Variants in SLC30A9 observed in about 807,000 individuals in gnomAD.
SLC30A9 encodes the protein solute carrier family 30 member 9.
Under a neutral mutation model 87.5 loss-of-function variants are expected in SLC30A9, and 58 were observed. The observed-to-expected ratio is 0.66, with a 90% CI of 0.54 to 0.82. The LOEUF is 0.82. Among genes scored for constraint, SLC30A9 ranks in the 40% least tolerant of loss-of-function variants. The probability of loss-of-function intolerance (pLI) is 0.00; values close to 1 mark genes in which losing one functional copy is unlikely to be tolerated. For synonymous variants in SLC30A9, 234 were observed against 233.0 expected (o/e 1.00, Z -0.04); for missense variants, 557 against 679.1 (o/e 0.82, Z 2.00).
At chr4:42,000,506 A>G (rs1000740340) in intron 1 of SLC30A9, among the ~76,000 whole-genome samples, 10 of 152,096 alleles carry the variant, frequency 6.6e-5, no homozygotes, top group Admixed American at 2.0e-4. Flanking sequence ...TAGGCCTTCA[A>G]CAGTTTCTCA....
chr4:42,036,074 A>G (rs1055703050), intron 7 of SLC30A9, among the ~76,000 whole-genome samples: 6 of 152,180 alleles, frequency 3.9e-5, no homozygotes, highest in Admixed American at 1.3e-4. Context: ...TTATATGACT[A>G]TACAAAATCA....
chr4:42,022,102 AT>A (rs375248714), intron 4 of SLC30A9, among the ~76,000 whole-genome samples: 1 of 27,188 alleles, frequency 3.7e-5, no homozygotes, highest in African/African-American at 4.6e-5. Context: ...CGCCCGGCTA[AT>A]TTTTGTATTT....
At position 42,022,872 on chromosome 4, in the gene SLC30A9, A is replaced by C; in HGVS notation, c.469A>C (p.Ser157Arg). 1 of 1,602,616 alleles carries C rather than the reference A, an allele frequency of 6.2e-7. No homozygotes were observed. Among genetic ancestry groups the C allele is most frequent in the Non-Finnish European group, 8.5e-7 (1 of 1,173,218 alleles). Residue 157 changes from serine to arginine, a missense_variant, in exon 5 of 18, where the codon AGT (serine) becomes CGT (arginine). By Grantham distance (110) the Ser-to-Arg change is moderately radical. This residue lies in a region of SLC30A9 where 467 missense variants were observed against 529.8 expected (regional missense o/e 0.88). Coordinates refer to ENST00000264451, the MANE Select transcript of SLC30A9 (RefSeq NM_006345.4). ...ACAACTTCGAAAAATCAGACGACGA[A>C]GTCCCCATGAAGATACTGAGTCTTT... ...LEQLRKIRRR[S>R]PHEDTESFTV...
chr4:42,044,386 CA>C (rs57572080), intron 8 of SLC30A9, among the ~76,000 whole-genome samples: 58,570 of 98,556 alleles, frequency 0.59, 17,997 homozygotes, highest in East Asian at 0.89. Context: ...AAATGGAAAG[CA>C]AAAAAAAAAA....
intron 1 of SLC30A9, among the ~76,000 whole-genome samples, chr4:41,992,154 C>A (rs958625419): frequency 2.6e-5 from 4 of 151,412 alleles, no homozygotes; most frequent in Admixed American, 2.0e-4. Context: ...AAGACCAGCC[C>A]GGGCAACATG....
In SLC30A9 at chr4:42,087,077, AAGAG is replaced by A. The variant is rs1283483458; in HGVS notation, c.*957_*960del. The A allele has an allele frequency of 6.6e-6, 1 of 152,212 alleles. No homozygotes were observed. Among genetic ancestry groups the A allele is most frequent in the Non-Finnish European group, 1.5e-5 (1 of 68,034 alleles). 9.4% of individuals were successfully genotyped at this position (152,212 alleles called of 1,614,324 possible). ...TGAGCTGTGGGATATTTCTTGCTTT[AAGAG>A]AGAGACAGAATCTCTCACTGAAACT... On this transcript the variant is annotated 3_prime_UTR_variant, in exon 18 of 18. Coordinates refer to ENST00000264451, the MANE Select transcript of SLC30A9 (RefSeq NM_006345.4).
At chr4:42,001,424 T>A (rs1203841711) in intron 1 of SLC30A9, among the ~76,000 whole-genome samples, 192 bp from the exon 2 acceptor site, 1 of 152,050 alleles carries the variant, frequency 6.6e-6, no homozygotes, top group African/African-American at 2.4e-5. Flanking sequence ...TTTGATTTTT[T>A]ATATTTTTAA....
chr4:42,044,335 CAT>C (rs1275418682), intron 8 of SLC30A9, among the ~76,000 whole-genome samples: 1 of 116,582 alleles, frequency 8.6e-6, no homozygotes, highest in African/African-American at 3.5e-5. Flanking sequence ...CAAAGACACA[CAT>C]AGGCTCAAAA....
At chr4:42,068,260 T>C (rs1718163506) in intron 14 of SLC30A9, among the ~76,000 whole-genome samples, 1 of 151,708 alleles carries the variant, frequency 6.6e-6, no homozygotes, top group African/African-American at 2.4e-5. Flanking sequence ...TTTTTTTTTT[T>C]GAGACAGAGT....
intron 9 of SLC30A9, among the ~76,000 whole-genome samples, chr4:42,049,864 C>T (rs1329121962): frequency 6.6e-6 from 1 of 152,036 alleles, no homozygotes; most frequent in Non-Finnish European, 1.5e-5. Context: ...CTTGGCTTTG[C>T]AAATGGAGAA....
chr4:41,990,804 G>C, intron 1 of SLC30A9, 44 bp downstream of exon 1: 1 of 1,435,906 alleles, frequency 7.0e-7, no homozygotes. Context: ...AAGCCGAACT[G>C]GAGGGCCAGG....
At chr4:42,061,055 AT>A (rs34860960) in intron 10 of SLC30A9, among the ~76,000 whole-genome samples, 1 of 151,600 alleles carries the variant, frequency 6.6e-6, no homozygotes, top group Non-Finnish European at 1.5e-5. Context: ...CTTAAGAAAA[AT>A]TTTTTTTTCA....
intron 1 of SLC30A9, among the ~76,000 whole-genome samples, chr4:41,997,822 T>C (rs946990174): frequency 3.9e-5 from 6 of 152,244 alleles, no homozygotes; most frequent in Non-Finnish European, 7.3e-5. Context: ...TTAACAGTTA[T>C]TTAGCTTTCA....
Position 41,990,540 on chromosome 4 carries a change from T to TG in SLC30A9, c.-110dup. The TG allele has an allele frequency of 3.3e-6, 2 of 605,870 alleles. No individual in the cohort carries two copies. Among genetic ancestry groups the TG allele is most frequent in the Non-Finnish European group, 5.6e-6 (2 of 355,238 alleles). The allele number at this position is 605,870 out of a possible 1,614,324, so 37.5% of individuals were successfully genotyped here. A position where few individuals can be genotyped will look rare whatever the true frequency, so the allele number is the denominator to read the frequency against. The stretch of plus-strand genomic sequence containing the variant: ...GTTTCCGGGTCACCCAGGCAGCTTG[T>TG]GGCGGCGAAGCCATCGGTGTTCGCT... On this transcript the variant is annotated 5_prime_UTR_variant, in exon 1 of 18. Transcript: ENST00000264451.
intron 6 of SLC30A9, among the ~76,000 whole-genome samples, chr4:42,028,278 C>T (rs1004155088): frequency 1.3e-5 from 2 of 152,072 alleles, no homozygotes; most frequent in South Asian, 2.1e-4. Flanking sequence ...CTACCATGCC[C>T]GGCTAATTTT....
intron 10 of SLC30A9, 65 bp from the exon 11 acceptor site, chr4:42,062,921 A>G (rs1717921510): frequency 7.3e-7 from 1 of 1,377,422 alleles, no homozygotes; most frequent in African/African-American, 1.4e-5. Context: ...TGACCTATTA[A>G]GCACATATAT....
intron 2 of SLC30A9, among the ~76,000 whole-genome samples, chr4:42,002,458 A>G (rs1388162075): frequency 6.6e-6 from 1 of 151,282 alleles, no homozygotes; most frequent in Non-Finnish European, 1.5e-5. Context: ...CCCATTGCCT[A>G]TTTTTGCTAT....
chr4:42,028,603 A>G (rs1716290494), intron 6 of SLC30A9, among the ~76,000 whole-genome samples: 1 of 152,260 alleles, frequency 6.6e-6, no homozygotes, highest in South Asian at 2.1e-4. Flanking sequence ...ATCAGTAGAT[A>G]CTTCCCAGAA....
chr4:42,042,895 T>C (rs1376606734), intron 8 of SLC30A9, among the ~76,000 whole-genome samples: 1 of 152,190 alleles, frequency 6.6e-6, no homozygotes, highest in Non-Finnish European at 1.5e-5. Context: ...CAGCAATGTT[T>C]GCTGTTCTGC....
Sources: allele counts gnomAD v4.1 joint callset (sites outside exome capture counted in the v4.1 genomes callset), GRCh38; gene constraint gnomAD v4.1.1; regional missense constraint gnomAD v4.1.1; transcripts MANE v1.5; gene names NCBI Gene and HGNC (gene_info 2026-07-23, HGNC 2026-07-21).